HUNK: variants seen among roughly 807,000 people sequenced by gnomAD.
HUNK encodes the protein hormonally up-regulated neu tumor-associated kinase.
In HUNK, 21 loss-of-function variants were observed where a neutral mutation model predicts 61.0. That is an observed-to-expected ratio of 0.34 (90% CI 0.24 to 0.50). HUNK has a LOEUF of 0.50. HUNK is among the 20% of genes least tolerant of loss of function. The pLI is 0.98. For missense variants in HUNK, 772 were observed against 945.7 expected (o/e 0.82, Z 2.41); for synonymous variants, 371 against 386.1 (o/e 0.96, Z 0.46).
intron 5 of HUNK, among the ~76,000 whole-genome samples, chr21:31,961,868 C>T (rs1167984660): frequency 6.6e-6 from 1 of 152,208 alleles, no homozygotes; most frequent in Non-Finnish European, 1.5e-5. Flanking sequence ...TGCTGATCTG[C>T]TGCCATTTCA....
chr21:31,904,257 G>A (rs2052489715), intron 1 of HUNK, among the ~76,000 whole-genome samples: 1 of 151,990 alleles, frequency 6.6e-6, no homozygotes, highest in Admixed American at 6.6e-5. Flanking sequence ...GGCCCCTTCT[G>A]TCTCTGTTTA....
chr21:31,911,931 G>A (rs1436886549), intron 1 of HUNK, among the ~76,000 whole-genome samples: 4 of 86 alleles, frequency 0.047, no homozygotes, highest in East Asian at 0.33. Context: ...AAGCAGGGAC[G>A]ATAGTCACTG....
chr21:31,948,450 C>T (rs1315122207), intron 4 of HUNK, among the ~76,000 whole-genome samples: 1 of 152,200 alleles, frequency 6.6e-6, no homozygotes, highest in African/African-American at 2.4e-5. Context: ...CCCATGTACC[C>T]TCCAGTGCCT....
chr21:31,874,613 A>G (rs1601352743), intron 1 of HUNK, among the ~76,000 whole-genome samples: 1 of 100,946 alleles, frequency 9.9e-6, no homozygotes, highest in South Asian at 3.0e-4. Flanking sequence ...CACCATTCTC[A>G]TCCCCGCCAT....
At chr21:31,970,202 C>T (rs1009530540) in intron 6 of HUNK, among the ~76,000 whole-genome samples, 1 of 152,170 alleles carries the variant, frequency 6.6e-6, no homozygotes, top group Non-Finnish European at 1.5e-5. Flanking sequence ...GTGCTGAGTC[C>T]TTCAAAGAAG....
Position 31,968,427 on chromosome 21 carries a change from G to T in HUNK, c.1010+42G>T, listed in dbSNP as rs565049550. 5.0e-6 allele frequency: 8 copies of T among 1,611,798 alleles called. 1 individual carries two copies. In the South Asian group the frequency reaches 8.8e-5, roughly 18 times the overall value. Reference sequence around the variant, plus strand: ...AGAGGAACTCCTCGGGAGAGACGGGGCCTGTCCTACTAGCCCTGAGCAGTT... The same window carrying T: ...AGAGGAACTCCTCGGGAGAGACGGGTCCTGTCCTACTAGCCCTGAGCAGTT... On this transcript the variant is annotated intron_variant, in intron 6 of 10. Transcript: ENST00000270112.
chr21:31,989,483 A>G (rs1040568958), intron 8 of HUNK, among the ~76,000 whole-genome samples: 2 of 152,006 alleles, frequency 1.3e-5, no homozygotes, highest in African/African-American at 4.8e-5. Context: ...GGAGGCCAAG[A>G]TGGGTGGATC....
At chr21:31,887,197 G>A (rs17664292) in intron 1 of HUNK, among the ~76,000 whole-genome samples, 8,764 of 152,266 alleles carry the variant, frequency 0.058, 310 homozygotes, top group Middle Eastern at 0.16. Flanking sequence ...AGGTATCTGA[G>A]TGACAGGTGA....
intron 1 of HUNK, among the ~76,000 whole-genome samples, chr21:31,901,564 C>T (rs970728883): frequency 6.6e-6 from 1 of 152,132 alleles, no homozygotes; most frequent in African/African-American, 2.4e-5. Flanking sequence ...GCTTTGAAGT[C>T]TCAAAGTTAA....
intron 1 of HUNK, among the ~76,000 whole-genome samples, chr21:31,895,597 T>A (rs549238165): frequency 6.6e-6 from 1 of 152,284 alleles, no homozygotes; most frequent in Admixed American, 6.5e-5. Context: ...AGAGGAAAAT[T>A]TCAGCATTAG....
chr21:31,891,660 A>G (rs2052388428), intron 1 of HUNK, among the ~76,000 whole-genome samples: 1 of 152,164 alleles, frequency 6.6e-6, no homozygotes, highest in South Asian at 2.1e-4. Flanking sequence ...TTTATTTAAC[A>G]CTTTGTTATG....
At chr21:31,968,534 A>C in intron 6 of HUNK, 149 bp downstream of exon 6, 1 of 849,774 alleles carries the variant, frequency 1.2e-6, no homozygotes, top group Non-Finnish European at 1.8e-6. Context: ...ACCCACACCC[A>C]CACATCCACA....
intron 1 of HUNK, among the ~76,000 whole-genome samples, chr21:31,879,746 C>T (rs573740177): frequency 7.9e-5 from 12 of 152,260 alleles, no homozygotes; most frequent in African/African-American, 2.6e-4. Context: ...CAGCCATGTG[C>T]CCCCGAAGAG....
intron 1 of HUNK, among the ~76,000 whole-genome samples, chr21:31,876,184 C>G (rs192541570): frequency 6.6e-6 from 1 of 152,144 alleles, no homozygotes; most frequent in Non-Finnish European, 1.5e-5. Context: ...TTCCCCTGGA[C>G]CCATTGGTGG....
chr21:31,873,666 G>GA lies in HUNK; in HGVS notation c.-9_-8insA. On this transcript the variant is annotated 5_prime_UTR_variant, in exon 1 of 11. Transcript: ENST00000270112. This position sits in a 1 kb window ranked among gnomAD's most constrained non-coding sequence, Gnocchi z 6.1. ...ACGAGCAGGAGCCGCGCGGGCCGCGGCGAGCGCGATGCCGGCGGCGGCGGG... is the reference window on the plus strand; with the variant it reads ...ACGAGCAGGAGCCGCGCGGGCCGCGGACGAGCGCGATGCCGGCGGCGGCGGG... The GA allele has an allele frequency of 2.0e-6, 2 of 995,856 alleles. No homozygotes were observed. The highest frequency in any genetic ancestry group is 2.4e-6 in the Non-Finnish European group (2 of 838,100). 61.7% of individuals were successfully genotyped at this position (995,856 alleles called of 1,614,324 possible). A position where few individuals can be genotyped will look rare whatever the true frequency, so the allele number is the denominator to read the frequency against.
chr21:31,984,017 G>A (rs544821855), intron 8 of HUNK, among the ~76,000 whole-genome samples: 3 of 152,260 alleles, frequency 2.0e-5, no homozygotes, highest in Admixed American at 6.5e-5. Context: ...ATATGTGAGT[G>A]AAACTAGCAA....
At chr21:31,901,233 A>T (rs943682550) in intron 1 of HUNK, among the ~76,000 whole-genome samples, 1 of 152,036 alleles carries the variant, frequency 6.6e-6, no homozygotes, top group Non-Finnish European at 1.5e-5. Context: ...CAAACACATA[A>T]CAGGTTCTCA....
intron 1 of HUNK, among the ~76,000 whole-genome samples, chr21:31,909,058 C>T (rs923924028): frequency 6.6e-6 from 1 of 152,152 alleles, no homozygotes. Flanking sequence ...TTAAGATTCC[C>T]GAGTTTTGTG....
chr21:31,901,134 A>T (rs1168380871), intron 1 of HUNK, among the ~76,000 whole-genome samples: 1 of 152,152 alleles, frequency 6.6e-6, no homozygotes, highest in Non-Finnish European at 1.5e-5. Context: ...AATTAATTAC[A>T]TCTGCAATGA....
Sources: gnomAD v4.1 joint callset for allele counts (sites outside exome capture counted in the v4.1 genomes callset) on GRCh38, gnomAD v4.1.1 for gene constraint, Gnocchi (gnomAD v3.1) non-coding constraint, MANE v1.5 for transcripts, NCBI Gene and HGNC (gene_info 2026-07-23, HGNC 2026-07-21) for gene names.